Variants in DROSHA observed in about 807,000 individuals in gnomAD.
The protein encoded by DROSHA is drosha ribonuclease III.
A neutral mutation model predicts 181.9 loss-of-function variants in DROSHA; 56 were observed. The observed-to-expected ratio is 0.31, with a 90% CI of 0.25 to 0.38. The LOEUF (loss-of-function observed/expected upper bound fraction) is 0.38. DROSHA is among the 10% of genes least tolerant of loss of function. The pLI is 1.00. For synonymous variants in DROSHA, 524 were observed against 591.2 expected, an observed-to-expected ratio of 0.89 and a Z score of 1.65; for missense variants, 1,218 against 1,743.5, an observed-to-expected ratio of 0.70 and a Z score of 5.37.
chr5:31,454,006 T>C (rs1361573748), intron 20 of DROSHA, among the ~76,000 whole-genome samples: 1 of 151,462 alleles, frequency 6.6e-6, no homozygotes, highest in East Asian at 1.9e-4. Context: ...CAATGAATAT[T>C]ATCTACATAA....
chr5:31,448,494 T>A, intron 23 of DROSHA, 53 bp downstream of exon 23: 1 of 1,461,818 alleles, frequency 6.8e-7, no homozygotes, highest in Non-Finnish European at 9.6e-7. Context: ...GAGTAAACTG[T>A]ATAGTACGTG....
intron 20 of DROSHA, among the ~76,000 whole-genome samples, chr5:31,461,468 C>T (rs1748395180): frequency 6.6e-6 from 1 of 152,066 alleles, no homozygotes; most frequent in Non-Finnish European, 1.5e-5. Context: ...GACTTTCTGA[C>T]CATTAATATG....
intron 9 of DROSHA, 100 bp downstream of exon 9, chr5:31,510,935 G>A: frequency 7.1e-7 from 1 of 1,417,446 alleles, no homozygotes; most frequent in Non-Finnish European, 9.6e-7. Context: ...AAATGAAAAA[G>A]AAGAAATCTC....
At chr5:31,461,293 G>A (rs1748377709) in intron 20 of DROSHA, among the ~76,000 whole-genome samples, 1 of 152,158 alleles carries the variant, frequency 6.6e-6, no homozygotes, top group Non-Finnish European at 1.5e-5. Context: ...AAGGGCAACT[G>A]TTCAGAACCT....
At position 31,405,767 on chromosome 5, in the gene DROSHA, C is replaced by CTTTT. The variant is rs67380927; in HGVS notation, c.3948-48_3948-45dup. On this transcript the variant is annotated intron_variant, in intron 34 of 35. Transcript: ENST00000344624. ...TAAGACATACTTTAATTTCAAGATTCTTTTTTTTTTTTTTTTTTTTTTTTC... is the reference window on the plus strand; with the variant it reads ...TAAGACATACTTTAATTTCAAGATTCTTTTTTTTTTTTTTTTTTTTTTTTTTTTC... 1.7e-3 allele frequency: 790 copies of CTTTT among 469,038 alleles called. 6 individuals are homozygous for CTTTT. Among genetic ancestry groups the CTTTT allele is most frequent in the South Asian group, 3.6e-3 (125 of 34,618 alleles). 29.1% of individuals were successfully genotyped at this position (469,038 alleles called of 1,614,324 possible). A position where few individuals can be genotyped will look rare whatever the true frequency, so the allele number is the denominator to read the frequency against.
chr5:31,451,850 G>C (rs1019059891), intron 20 of DROSHA, among the ~76,000 whole-genome samples: 12 of 152,126 alleles, frequency 7.9e-5, no homozygotes, highest in Non-Finnish European at 1.8e-4. Flanking sequence ...AGAATGCCTG[G>C]GTCTAAATCC....
At chr5:31,487,233 T>G (rs1005654454) in intron 13 of DROSHA, among the ~76,000 whole-genome samples, 1 of 152,170 alleles carries the variant, frequency 6.6e-6, no homozygotes, top group Non-Finnish European at 1.5e-5. Context: ...GTACCATGCC[T>G]AAGATAACAG....
At chr5:31,466,073 A>C in intron 19 of DROSHA, 109 bp downstream of exon 19, 1 of 1,151,530 alleles carries the variant, frequency 8.7e-7, no homozygotes, top group Non-Finnish European at 1.2e-6. Context: ...GATTTTTTTA[A>C]AAAAATATTT....
Position 31,493,214 on chromosome 5 carries a change from AG to A in DROSHA, c.1834del (p.Leu612Ter). 1.2e-6 allele frequency: 2 copies of A among 1,606,410 alleles called. No homozygotes were observed. Among genetic ancestry groups the A allele is most frequent in the Non-Finnish European group, 1.7e-6 (2 of 1,176,892 alleles). On this transcript the variant is annotated frameshift_variant, in exon 13 of 36. Transcript: ENST00000344624. LOFTEE classifies it high-confidence loss of function. ...EGFSMFAHAP[L>X]TNIPLCKVIR... ...CAACTGGCACATACTTACATTGGTC[AG>A]GGGGGCATGTGCAAACATAGAAAAT...
At chr5:31,466,397 C>T (rs1304949923) in intron 18 of DROSHA, 116 bp from the exon 19 acceptor site, 1 of 841,424 alleles carries the variant, frequency 1.2e-6, no homozygotes, top group African/African-American at 1.7e-5. Context: ...TTTGATTATT[C>T]TTAATGGCAG....
At chr5:31,507,243 C>T (rs1264470613) in intron 10 of DROSHA, among the ~76,000 whole-genome samples, 1 of 152,120 alleles carries the variant, frequency 6.6e-6, no homozygotes, top group Non-Finnish European at 1.5e-5. Flanking sequence ...GGTGGATCAC[C>T]TGAGGTCGGG....
At chr5:31,508,245 G>A (rs1424505787) in intron 10 of DROSHA, among the ~76,000 whole-genome samples, 1 of 152,124 alleles carries the variant, frequency 6.6e-6, no homozygotes, top group African/African-American at 2.4e-5. Flanking sequence ...CTAAAAAAAA[G>A]AAATCTTATA....
At chr5:31,466,588 C>G (rs770023440) in intron 18 of DROSHA, 1 of 235,472 alleles carries the variant, frequency 4.2e-6, no homozygotes. Context: ...CCAAAGGAAT[C>G]ATCCTGTTTC....
At chr5:31,410,664 A>C in intron 31 of DROSHA, 82 bp downstream of exon 31, 1 of 1,496,112 alleles carries the variant, frequency 6.7e-7, no homozygotes, top group Non-Finnish European at 8.9e-7. Context: ...AGAACATAAT[A>C]ATAATGAGGA....
Position 31,468,011 on chromosome 5 carries a change from T to G in DROSHA, c.2294A>C (p.Asp765Ala). 2 of 1,612,018 alleles carry G rather than the reference T, an allele frequency of 1.2e-6. No individual in the cohort carries two copies. The highest frequency in any genetic ancestry group is 2.7e-5 in the African/African-American group (2 of 75,014). Residue 765 changes from aspartate (D) to alanine (A), a missense_variant, in exon 18 of 36, where the codon GAT (aspartate) becomes GCT (alanine). Around this residue, in one of 8 missense-constraint regions of DROSHA, gnomAD observed 460 missense variants for 774.2 expected, o/e 0.59. Coordinates refer to ENST00000344624, the MANE Select transcript of DROSHA (RefSeq NM_001382508.1). ...GACGATAATCGGAAAAGTAATCACATCGGGGTTGAACTGTTCACGATCCAG... is the reference window on the plus strand; with the variant it reads ...GACGATAATCGGAAAAGTAATCACAGCGGGGTTGAACTGTTCACGATCCAG... ...DQLDREQFNP[D>A]VITFPIIVHF...
At position 31,424,463 on chromosome 5, in the gene DROSHA, G is replaced by A. The variant is rs749231991; in HGVS notation, c.3225C>T (p.Arg1075=). The change falls in exon 28 of 36, where the codon CGC becomes CGT. Residue 1075 remains arginine, a synonymous_variant. Transcript: ENST00000344624. ...GGAGAGGATAATTGAGCCAGACTTC[G>A]CGCAGGTCCTGGAAAATGGAGTGAT... ...GRLLFNDPDL[R]EVWLNYPLHP... is the part of the protein sequence containing the mutation. 18 of 1,594,902 alleles carry A rather than the reference G, an allele frequency of 1.1e-5. No individual in the cohort carries two copies. Among genetic ancestry groups the A allele is most frequent in the African/African-American group, 8.0e-5 (6 of 74,636 alleles).
intron 16 of DROSHA, among the ~76,000 whole-genome samples, chr5:31,473,013 G>A (rs1193232750): frequency 6.6e-6 from 1 of 152,168 alleles, no homozygotes; most frequent in African/African-American, 2.4e-5. Context: ...TTAACTTCTG[G>A]ACCAACATGG....
chr5:31,495,203 A>G, intron 12 of DROSHA, 83 bp downstream of exon 12: 1 of 1,406,506 alleles, frequency 7.1e-7, no homozygotes, highest in Non-Finnish European at 9.8e-7. Context: ...AACATTTGAG[A>G]ACAGAATCAA....
intron 35 of DROSHA, 86 bp from the exon 36 acceptor site, chr5:31,401,648 T>A: frequency 1.2e-6 from 1 of 854,432 alleles, no homozygotes. Context: ...CATATACACA[T>A]ACAAATATAC....
Sources: gnomAD v4.1 joint callset for allele counts (sites outside exome capture counted in the v4.1 genomes callset) on GRCh38, gnomAD v4.1.1 for gene constraint, gnomAD v4.1.1 regional missense constraint, MANE v1.5 for transcripts, NCBI Gene and HGNC (gene_info 2026-07-23, HGNC 2026-07-21) for gene names.